The following SLC38A6 variants were observed in gnomAD, a reference collection of about 807,000 sequenced individuals.
SLC38A6 encodes N system amino acid transporter NAT-1.
Under a neutral mutation model 65.0 loss-of-function variants are expected in SLC38A6, and 73 were observed. The ratio of observed to expected loss-of-function variants is 1.12; its 90% CI spans 0.93 to 1.37. The LOEUF (loss-of-function observed/expected upper bound fraction) is 1.37. Among genes scored for constraint, SLC38A6 ranks in the 40% most tolerant of loss-of-function variants. The pLI is 0.00. For synonymous variants in SLC38A6, 183 were observed against 178.8 expected (o/e 1.02, Z -0.19); for missense variants, 561 against 531.1 (o/e 1.06, Z -0.55).
chr14:60,995,003 C>CAAAAAAAAA (rs34888148), intron 3 of SLC38A6, among the ~76,000 whole-genome samples: 6 of 73,122 alleles, frequency 8.2e-5, no homozygotes, highest in Admixed American at 3.0e-4. Flanking sequence ...GACTCCATCT[C>CAAAAAAAAA]AAAAAAAAAA....
chr14:61,037,730 A>T, intron 8 of SLC38A6, 47 bp downstream of exon 8: 3 of 1,274,292 alleles, frequency 2.4e-6, no homozygotes, highest in South Asian at 2.8e-5. Flanking sequence ...CTAAAATTGG[A>T]CTCATTGTGT....
In SLC38A6 at chr14:61,083,624, T is replaced by G; in HGVS notation, c.1478T>G (p.Leu493Ter). The G allele has an allele frequency of 6.4e-7, 1 of 1,550,498 alleles. No homozygotes were observed. The highest frequency in any genetic ancestry group is 1.4e-5 in the African/African-American group (1 of 73,152). Residue 493 changes from leucine (L) to a stop codon, truncating the protein, a stop_gained, in exon 17 of 17, where the codon TTA (leucine) becomes TGA (stop). Coordinates refer to the SLC38A6 transcript ENST00000354886. LOFTEE classifies it low-confidence loss of function (END_TRUNC). ...AGGACACAGCAAGAAGGCAACTGTT[T>G]ACAAGCCAAGGGAAGAGGCCTCAGG...
At chr14:61,014,102 T>C (rs2039804857) in intron 3 of SLC38A6, among the ~76,000 whole-genome samples, 1 of 152,348 alleles carries the variant, frequency 6.6e-6, no homozygotes, top group Admixed American at 6.5e-5. Flanking sequence ...CTTTTTTCTC[T>C]AAACTTCTCT....
chr14:61,012,592 C>A (rs1168185506), intron 3 of SLC38A6, among the ~76,000 whole-genome samples: 3 of 151,574 alleles, frequency 2.0e-5, no homozygotes, highest in Non-Finnish European at 4.4e-5. Flanking sequence ...TGTCTTTGTT[C>A]TTGTTGATTT....
intron 4 of SLC38A6, among the ~76,000 whole-genome samples, chr14:61,017,558 A>G (rs1349784859): frequency 6.6e-6 from 1 of 152,226 alleles, no homozygotes; most frequent in Non-Finnish European, 1.5e-5. Context: ...TAAACAAAGA[A>G]GAAAATATTT....
In SLC38A6 at chr14:60,984,780, T is replaced by C; in HGVS notation, c.287T>C (p.Leu96Pro). The C allele has an allele frequency of 6.2e-7, 1 of 1,613,936 alleles. No homozygotes were observed. The highest frequency in any genetic ancestry group is 1.1e-5 in the South Asian group (1 of 91,080). The change falls in exon 3 of 16, where the codon CTG becomes CCG. Residue 96 changes from leucine to proline, a missense_variant. Transcript: ENST00000267488. Reference protein sequence around the residue: ...ALLASYSVHLLLSMCIQTAVT... With the variant: ...ALLASYSVHLPLSMCIQTAVT... ...CTGGCTTCTTACTCAGTCCATCTTC[T>C]GCTTAGTATGTGTATTCAGACAGGT...
At chr14:61,027,182 G>T (rs1262515758) in intron 5 of SLC38A6, among the ~76,000 whole-genome samples, 1 of 152,024 alleles carries the variant, frequency 6.6e-6, no homozygotes, top group Non-Finnish European at 1.5e-5. Flanking sequence ...TCTATTAAAT[G>T]AGTTATATTA....
chr14:61,069,125 G>T (rs534753950), intron 15 of SLC38A6, among the ~76,000 whole-genome samples: 1 of 152,128 alleles, frequency 6.6e-6, no homozygotes, highest in South Asian at 2.1e-4. Context: ...ATCTCTGAGG[G>T]TTACGACCCA....
intron 3 of SLC38A6, among the ~76,000 whole-genome samples, chr14:61,010,392 A>G (rs540125296): frequency 6.6e-6 from 1 of 152,058 alleles, no homozygotes; most frequent in East Asian, 1.9e-4. Flanking sequence ...ATTAGATCCC[A>G]TTTGTCAATT....
intron 3 of SLC38A6, among the ~76,000 whole-genome samples, chr14:60,991,039 A>G (rs942371648): frequency 1.3e-5 from 2 of 152,182 alleles, no homozygotes; most frequent in Non-Finnish European, 2.9e-5. Context: ...ATCTTCAGTT[A>G]CTATTACCAC....
intron 3 of SLC38A6, among the ~76,000 whole-genome samples, chr14:60,993,440 G>C (rs2038055235): frequency 6.6e-6 from 1 of 152,276 alleles, no homozygotes; most frequent in East Asian, 1.9e-4. Context: ...AAACTAAAAG[G>C]ACTCAGCAAT....
At chr14:61,082,144 A>G (rs917203071) in intron 16 of SLC38A6, among the ~76,000 whole-genome samples, 1 of 152,084 alleles carries the variant, frequency 6.6e-6, no homozygotes, top group African/African-American at 2.4e-5. Flanking sequence ...CAATGGATGG[A>G]TGAATATTAG....
chr14:61,022,946 A>G (rs1296743188), intron 5 of SLC38A6, among the ~76,000 whole-genome samples: 1 of 152,194 alleles, frequency 6.6e-6, no homozygotes, highest in Admixed American at 6.5e-5. Context: ...TGATATAGCA[A>G]ATGTTTGAAA....
chr14:61,075,447 G>A (rs972743081), intron 15 of SLC38A6, among the ~76,000 whole-genome samples: 1 of 152,262 alleles, frequency 6.6e-6, no homozygotes, highest in African/African-American at 2.4e-5. Context: ...ACATCAGGAG[G>A]GTTGTGGGAC....
chr14:61,072,448 AT>A lies in SLC38A6; in HGVS notation c.1291-6361del, dbSNP rs767831676. ...AATTATTGACTATAGTCATCCTGTT[AT>A]GCTATCAAATAGTAGGTCTTACTCA... On this transcript the variant is annotated intron_variant, in intron 15 of 16. Transcript: ENST00000354886. Among the ~76,000 whole-genome samples the A allele has an allele frequency of 1.8e-4, 27 of 152,212 alleles. No homozygotes were observed. In the Middle Eastern group the frequency reaches 0.01, roughly 58 times the overall value.
intron 3 of SLC38A6, among the ~76,000 whole-genome samples, chr14:60,991,522 A>C (rs1188304890): frequency 6.6e-6 from 1 of 152,184 alleles, no homozygotes; most frequent in Non-Finnish European, 1.5e-5. Flanking sequence ...TATAGGAGCC[A>C]GGATTCAAAC....
chr14:61,010,238 T>C (rs1427985428), intron 3 of SLC38A6, among the ~76,000 whole-genome samples: 5 of 152,160 alleles, frequency 3.3e-5, no homozygotes, highest in East Asian at 1.9e-4. Flanking sequence ...TGTTTTTTTC[T>C]TGTAAATTTG....
At chr14:61,030,349 A>G (rs948327693) in intron 5 of SLC38A6, 96 bp from the exon 6 acceptor site, 3 of 813,266 alleles carry the variant, frequency 3.7e-6, no homozygotes, top group Non-Finnish European at 5.9e-6. Flanking sequence ...ATATGTTGTC[A>G]TAGCTCTAAT....
chr14:61,037,742 A>G (rs1406330611), intron 8 of SLC38A6, 59 bp downstream of exon 8: 1 of 1,162,878 alleles, frequency 8.6e-7, no homozygotes, highest in Admixed American at 2.6e-5. Context: ...TCATTGTGTT[A>G]GTCTTTTTTA....
Sources: allele counts gnomAD v4.1 joint callset (sites outside exome capture counted in the v4.1 genomes callset), GRCh38; gene constraint gnomAD v4.1.1; transcripts MANE v1.5; gene names NCBI Gene and HGNC (gene_info 2026-07-23, HGNC 2026-07-21).